The following EPX variants were observed in gnomAD, a reference collection of about 807,000 sequenced individuals.
EPX encodes the protein eosinophil peroxidase.
In EPX, 60 loss-of-function variants were observed where a neutral mutation model predicts 73.0. The ratio of observed to expected loss-of-function variants is 0.82; its 90% CI spans 0.67 to 1.02. The LOEUF (loss-of-function observed/expected upper bound fraction) is 1.02, where lower values mean the gene tolerates loss of function less well. EPX is among the 50% of genes least tolerant of loss of function. The pLI is 0.00. For synonymous variants in EPX, 347 were observed against 389.2 expected (o/e 0.89, Z 1.28); for missense variants, 950 against 973.9 (o/e 0.98, Z 0.33).
In EPX at chr17:58,204,071, T is replaced by C. The variant is rs1008487287; in HGVS notation, c.1947-151T>C. ...AATACTGGGCAATTTATTTGGCCACTGAATTTGTTTCATTTCTGAGATTCC... is the reference window on the plus strand; with the variant it reads ...AATACTGGGCAATTTATTTGGCCACCGAATTTGTTTCATTTCTGAGATTCC... On this transcript the variant is annotated intron_variant, in intron 11 of 12. Coordinates refer to ENST00000225371, the MANE Select transcript of EPX (RefSeq NM_000502.6). The C allele has an allele frequency of 2.6e-5, 18 of 680,494 alleles. No individual in the cohort carries two copies. The African/African-American group carries it at 2.9e-4, about 11-fold the overall frequency. 42.2% of individuals were successfully genotyped at this position (680,494 alleles called of 1,614,324 possible).
rs1473125571 is a variant in EPX at position 58,204,787 on chromosome 17, T to C, written c.*63T>C. On this transcript the variant is annotated 3_prime_UTR_variant, in exon 13 of 13. Transcript: ENST00000225371. ...GGAGACAAGGGGAAGGGGAGGACCA[T>C]GAGGCTGCCTTGTCTCCCTGGAGCA... 2.1e-5 allele frequency: 6 copies of C among 280,090 alleles called. No individual in the cohort carries two copies. The Admixed American group carries it at 2.9e-4, about 13-fold the overall frequency. The allele number at this position is 280,090 out of a possible 1,614,324, so 17.4% of individuals were successfully genotyped here.
intron 8 of EPX, among the ~76,000 whole-genome samples, 158 bp downstream of exon 8, chr17:58,199,358 C>T (rs561330220): frequency 3.9e-5 from 6 of 152,356 alleles, no homozygotes; most frequent in South Asian, 2.1e-4. Flanking sequence ...CTCTAACTCC[C>T]GTGTGACCCT....
At position 58,204,221 on chromosome 17, in the gene EPX, G is replaced by C; in HGVS notation, c.1947-1G>C. On this transcript the variant is annotated splice_acceptor_variant, in intron 11 of 12. Transcript: ENST00000225371. LOFTEE classifies it high-confidence loss of function. ...ACCCACATCTCTCGACTGCCTGGTAGGTTCTGGTGGCAGAAACGAGGTGTT... is the reference window on the plus strand; with the variant it reads ...ACCCACATCTCTCGACTGCCTGGTACGTTCTGGTGGCAGAAACGAGGTGTT... 6.2e-7 allele frequency: 1 copy of C among 1,613,016 alleles called. No individual in the cohort carries two copies. Among genetic ancestry groups the C allele is most frequent in the Non-Finnish European group, 8.5e-7 (1 of 1,178,986 alleles).
Position 58,204,439 on chromosome 17 carries a change from G to T in EPX, c.*11+5G>T. ...AGGGACATGAGGCTTCTGCAGGTAAGGGGAGGCCACCTCCAGCACCCTGGG... is the reference window on the plus strand; with the variant it reads ...AGGGACATGAGGCTTCTGCAGGTAATGGGAGGCCACCTCCAGCACCCTGGG... On this transcript the variant is annotated splice_donor_5th_base_variant and intron_variant, in intron 12 of 12. Coordinates refer to ENST00000225371, the MANE Select transcript of EPX (RefSeq NM_000502.6). 1.3e-6 allele frequency: 2 copies of T among 1,596,708 alleles called. No homozygotes were observed. The highest frequency in any genetic ancestry group is 1.1e-5 in the South Asian group (1 of 90,676).
At position 58,193,950 on chromosome 17, in the gene EPX, C is replaced by T. The variant is rs1294026965; in HGVS notation, c.465-13C>T. 1.2e-6 allele frequency: 2 copies of T among 1,612,858 alleles called. No individual in the cohort carries two copies. The highest frequency in any genetic ancestry group is 1.7e-6 in the Non-Finnish European group (2 of 1,179,984). On this transcript the variant is annotated splice_polypyrimidine_tract_variant and intron_variant, in intron 4 of 12. Coordinates refer to ENST00000225371, the MANE Select transcript of EPX (RefSeq NM_000502.6). ...CCCTGCCCCCTGCTAACCTATCCCA[C>T]CCATGGCTGCAGGAGGAGACCCTTG...
Position 58,193,821 on chromosome 17 carries a change from T to C in EPX, c.454T>C (p.Cys152Arg). Residue 152 changes from cysteine (C) to arginine (R), a missense_variant, in exon 4 of 13, where the codon TGC (cysteine) becomes CGC (arginine). Transcript: ENST00000225371. ...CAAGTACCGCACCATCACTGGACGG[T>C]GCAACAACAAGTGCGTGCGGGGCGG... ...SDKYRTITGR[C>R]NNKRRPLLGA... The C allele has an allele frequency of 1.9e-6, 3 of 1,612,768 alleles. No individual in the cohort carries two copies. The highest frequency in any genetic ancestry group is 1.1e-5 in the South Asian group (1 of 91,044).
chr17:58,200,267 C>T lies in EPX; in HGVS notation c.1580C>T (p.Ala527Val), dbSNP rs756958911. Residue 527 changes from alanine (A) to valine (V), a missense_variant, in exon 10 of 13, where the codon GCC becomes GTC. Transcript: ENST00000225371. ...PILRGLMATP[A>V]KLNRQDAMLV... Reference sequence around the variant, plus strand: ...CTCCGGGGCCTCATGGCCACCCCTGCCAAGCTGAACCGTCAGGATGCCATG... The same window carrying T: ...CTCCGGGGCCTCATGGCCACCCCTGTCAAGCTGAACCGTCAGGATGCCATG... The T allele has an allele frequency of 2.6e-5, 42 of 1,614,084 alleles. No individual in the cohort carries two copies. In the South Asian group the frequency reaches 4.5e-4, roughly 17 times the overall value.
intron 10 of EPX, among the ~76,000 whole-genome samples, chr17:58,201,342 C>A (rs1362617776): frequency 6.6e-6 from 1 of 152,226 alleles, no homozygotes; most frequent in Non-Finnish European, 1.5e-5. Context: ...CTGTGGGCAC[C>A]CCCTGCCGGA....
intron 6 of EPX, 31 bp from the exon 7 acceptor site, chr17:58,196,908 C>A: frequency 6.3e-7 from 1 of 1,595,354 alleles, no homozygotes; most frequent in Non-Finnish European, 8.6e-7. Flanking sequence ...ATTGAGGGGG[C>A]CCCATGTCAC....
intron 10 of EPX, 29 bp downstream of exon 10, chr17:58,200,424 G>C (rs762629619): frequency 2.5e-6 from 4 of 1,611,476 alleles, no homozygotes; most frequent in Non-Finnish European, 3.4e-6. Flanking sequence ...TCTTCTCCCA[G>C]CTTTGCTCGG....
rs1196102835 is a variant in EPX, at chr17:58,193,962, G to T, written c.465-1G>T. 6.2e-7 allele frequency: 1 copy of T among 1,612,876 alleles called. No individual in the cohort carries two copies. Among genetic ancestry groups the T allele is most frequent in the Non-Finnish European group, 8.5e-7 (1 of 1,180,012 alleles). ...CTAACCTATCCCACCCATGGCTGCA[G>T]GAGGAGACCCTTGCTAGGGGCCTCC... On this transcript the variant is annotated splice_acceptor_variant, in intron 4 of 12. Transcript: ENST00000225371. LOFTEE classifies it high-confidence loss of function.
chr17:58,200,234 A>G lies in EPX; in HGVS notation c.1547A>G (p.Asp516Gly). 1 of 1,613,944 alleles carries G rather than the reference A, an allele frequency of 6.2e-7. No individual in the cohort carries two copies. The highest frequency in any genetic ancestry group is 8.5e-7 in the Non-Finnish European group (1 of 1,179,964). ...CATTCCCTGCCACCAGGGGGCATCG[A>G]CCCCATCCTCCGGGGCCTCATGGCC... is the stretch of plus-strand genomic sequence containing the variant. ...SWRIVYEGGI[D>G]PILRGLMATP... is the part of the protein sequence containing the mutation. Residue 516 changes from aspartate (D) to glycine (G), a missense_variant, in exon 10 of 13, where the codon GAC becomes GGC. Physicochemically the swap from Asp to Gly is moderately conservative, Grantham distance 94 (BLOSUM62 -1). Coordinates refer to ENST00000225371, the MANE Select transcript of EPX (RefSeq NM_000502.6).
Position 58,197,050 on chromosome 17 carries a change from C to T in EPX, c.913C>T (p.Leu305Phe), listed in dbSNP as rs144436598. 1.9e-6 allele frequency: 3 copies of T among 1,614,098 alleles called. No individual in the cohort carries two copies. The highest frequency in any genetic ancestry group is 1.3e-5 in the African/African-American group (1 of 74,936). The change falls in exon 7 of 13, where the codon CTC becomes TTC. Residue 305 changes from leucine (L) to phenylalanine (F), a missense_variant. Physicochemically the swap from Leu to Phe is conservative, Grantham distance 22. Transcript: ENST00000225371. ...KNRVRNQINA[L>F]TSFVDASMVY... ...CAGAGTCCGCAACCAGATCAACGCG[C>T]TCACCTCCTTTGTGGACGCCAGCAT... is the stretch of plus-strand genomic sequence containing the variant.
chr17:58,200,446 C>T (rs998183764), intron 10 of EPX, 51 bp downstream of exon 10: 2 of 1,582,196 alleles, frequency 1.3e-6, no homozygotes, highest in Non-Finnish European at 1.7e-6. Context: ...CCAGGCTGCT[C>T]AAGGGGTTCT....
At position 58,204,383 on chromosome 17, in the gene EPX, G is replaced by C; in HGVS notation, c.2108G>C (p.Arg703Pro). 2 of 1,614,042 alleles carry C rather than the reference G, an allele frequency of 1.2e-6. No homozygotes were observed. Among genetic ancestry groups the C allele is most frequent in the Non-Finnish European group, 1.7e-6 (2 of 1,179,918 alleles). ...CCTCGGGGCTTTGTGAACTGCAGCCGTATCCCCAGGTTGAACCTATCAGCC... is the reference window on the plus strand; with the variant it reads ...CCTCGGGGCTTTGTGAACTGCAGCCCTATCCCCAGGTTGAACCTATCAGCC... ...IYPRGFVNCSRIPRLNLSAWR... is the reference protein window; with the variant it reads ...IYPRGFVNCSPIPRLNLSAWR... Residue 703 changes from arginine (R) to proline (P), a missense_variant, in exon 12 of 13, where the codon CGT becomes CCT. Arg to Pro is a moderately radical substitution (Grantham distance 103). Coordinates refer to ENST00000225371, the MANE Select transcript of EPX (RefSeq NM_000502.6).
chr17:58,199,244 G>T, intron 8 of EPX, 44 bp downstream of exon 8: 1 of 1,597,020 alleles, frequency 6.3e-7, no homozygotes, highest in Non-Finnish European at 8.6e-7. Context: ...GACAAGCTTG[G>T]CATGAGAAGC....
At chr17:58,203,010 A>AAGAAAAACAGAAG (rs1968361437) in intron 10 of EPX, 71 bp from the exon 11 acceptor site, 6 of 1,123,450 alleles carry the variant, frequency 5.3e-6, no homozygotes, top group Non-Finnish European at 8.1e-6. Context: ...CCCCCAGAGG[A>AAGAAAAACAGAAG]CTGGTGGAGA....
At chr17:58,198,992 C>T in intron 7 of EPX, 48 bp from the exon 8 acceptor site, 3 of 1,603,326 alleles carry the variant, frequency 1.9e-6, no homozygotes, top group Non-Finnish European at 2.6e-6. Context: ...GGTAGAAAGA[C>T]ATTTCTCTGG....
In EPX at chr17:58,204,288, G is replaced by C. The variant is rs757607864; in HGVS notation, c.2013G>C (p.Leu671Phe). ...GCAAGGCCCTGAGCAGAATTTCCTT[G>C]TCTCGAATTATATGTGACAATACCG... ...RQRKALSRIS[L>F]SRIICDNTGI... The change falls in exon 12 of 13, where the codon TTG becomes TTC. Residue 671 changes from leucine (L) to phenylalanine (F), a missense_variant. Coordinates refer to ENST00000225371, the MANE Select transcript of EPX (RefSeq NM_000502.6). The C allele has an allele frequency of 3.7e-6, 6 of 1,614,004 alleles. No homozygotes were observed. In the African/African-American group the frequency reaches 6.7e-5, roughly 18 times the overall value.
Sources: gnomAD v4.1 joint callset for allele counts (sites outside exome capture counted in the v4.1 genomes callset) on GRCh38, gnomAD v4.1.1 for gene constraint, MANE v1.5 for transcripts, NCBI Gene and HGNC (gene_info 2026-07-23, HGNC 2026-07-21) for gene names.